The following SASH1 variants were observed in gnomAD, a reference collection of about 807,000 sequenced individuals.
SASH1 encodes the protein SAM and SH3 domain-containing protein 1.
In SASH1, 44 loss-of-function variants were observed where a neutral mutation model predicts 125.2. The observed-to-expected ratio is 0.35, with a 90% CI of 0.28 to 0.45. The LOEUF (loss-of-function observed/expected upper bound fraction) is 0.45, where lower values mean the gene tolerates loss of function less well. SASH1 is among the 20% of genes least tolerant of loss of function. SASH1 has a pLI of 1.00. For synonymous variants in SASH1, 639 were observed against 649.1 expected, an observed-to-expected ratio of 0.98 and a Z score of 0.24; for missense variants, 1,426 against 1,614.5, an observed-to-expected ratio of 0.88 and a Z score of 2.00.
At chr6:148,400,576 C>G (rs868579008) in intron 2 of SASH1, among the ~76,000 whole-genome samples, 4 of 151,950 alleles carry the variant, frequency 2.6e-5, no homozygotes, top group Non-Finnish European at 5.9e-5. Context: ...ATGGCAAAAC[C>G]CTGTCTCTAC....
intron 2 of SASH1, among the ~76,000 whole-genome samples, chr6:148,430,124 A>T (rs1776004733): frequency 6.6e-6 from 1 of 152,182 alleles, no homozygotes; most frequent in Non-Finnish European, 1.5e-5. Context: ...GAGCTAAAGG[A>T]TGAGTAGGAT....
intron 12 of SASH1, among the ~76,000 whole-genome samples, 155 bp from the exon 13 acceptor site, chr6:148,531,371 G>A (rs1181812977): frequency 6.6e-6 from 1 of 152,172 alleles, no homozygotes; most frequent in Non-Finnish European, 1.5e-5. Flanking sequence ...AGTAAGCGAG[G>A]ATGTAAGTTT....
intron 1 of SASH1, among the ~76,000 whole-genome samples, chr6:148,326,384 CTT>C (rs1780826301): frequency 2.2e-5 from 1 of 44,942 alleles, no homozygotes; most frequent in South Asian, 1.1e-3. Context: ...ACATTCTTTT[CTT>C]TTCTTTTCTT....
intron 2 of SASH1, among the ~76,000 whole-genome samples, chr6:148,421,581 G>T (rs1017163990): frequency 1.6e-4 from 25 of 152,232 alleles, no homozygotes; most frequent in Non-Finnish European, 3.2e-4. Flanking sequence ...TGGGATTACA[G>T]GCATGAGCCA....
chr6:148,322,917 T>TCTTTTCTTC lies in SASH1; in HGVS notation n.74+50540_74+50541insCTTTTCTTC, dbSNP rs1452245077. 2.4e-5 allele frequency among the ~76,000 whole-genome samples: 3 copies of TCTTTTCTTC among 126,140 alleles called. No homozygotes were observed. The South Asian group carries it at 7.9e-4, about 33-fold the overall frequency. The allele number at this position is 126,140 out of a possible 152,430, so 82.8% of individuals were successfully genotyped here. ...CTTTCTTTCTCTCTCTTTCTTTCTT[T>TCTTTTCTTC]TTTCTTTCTCTCTTTCTTTTCCTTC... On this transcript the variant is annotated intron_variant and non_coding_transcript_variant, in intron 1 of 3. Coordinates refer to the SASH1 transcript ENST00000367469.
chr6:148,216,568 G>A, the SASH1 span, among the ~76,000 whole-genome samples: 1 of 152,140 alleles, frequency 6.6e-6, no homozygotes, highest in Admixed American at 6.5e-5. Flanking sequence ...TCTCCAGGAA[G>A]ACCGCTGGCA....
intron 1 of SASH1, among the ~76,000 whole-genome samples, chr6:148,314,477 A>G (rs1485902499): frequency 2.0e-5 from 3 of 152,204 alleles, no homozygotes; most frequent in Non-Finnish European, 4.4e-5. Flanking sequence ...AACAATTTAT[A>G]TGGTAATGAG....
intron 1 of SASH1, among the ~76,000 whole-genome samples, chr6:148,330,773 A>G (rs1434306134): frequency 2.0e-5 from 3 of 152,042 alleles, no homozygotes; most frequent in Non-Finnish European, 4.4e-5. Flanking sequence ...TTTAGCAGAG[A>G]TGGGGTTTCG....
intron 1 of SASH1, among the ~76,000 whole-genome samples, 160 bp from the exon 2 acceptor site, chr6:148,389,974 A>T (rs951541763): frequency 2.6e-5 from 4 of 152,128 alleles, no homozygotes; most frequent in Non-Finnish European, 5.9e-5. Context: ...GGCTGTCCTG[A>T]GGGTTAGGAG....
At chr6:148,427,383 A>G (rs1241997628) in intron 2 of SASH1, among the ~76,000 whole-genome samples, 1 of 152,178 alleles carries the variant, frequency 6.6e-6, no homozygotes, top group African/African-American at 2.4e-5. Flanking sequence ...GTCTTCATGG[A>G]CACTGTGTCT....
chr6:148,257,628 CTTTTTT>C, the SASH1 span, among the ~76,000 whole-genome samples: 1 of 127,134 alleles, frequency 7.9e-6, no homozygotes, highest in Non-Finnish European at 1.6e-5. Flanking sequence ...TGTCAGTTTA[CTTTTTT>C]TTTTTTTTTT....
intron 17 of SASH1, among the ~76,000 whole-genome samples, chr6:148,542,611 T>A (rs1367866087): frequency 6.6e-6 from 1 of 152,144 alleles, no homozygotes; most frequent in Non-Finnish European, 1.5e-5. Context: ...ATGGTCTCGA[T>A]CTCCTGACCT....
At chr6:148,294,790 A>C (rs1779719561) in intron 1 of SASH1, among the ~76,000 whole-genome samples, 1 of 152,138 alleles carries the variant, frequency 6.6e-6, no homozygotes, top group Admixed American at 6.5e-5. Flanking sequence ...CTTATATCTT[A>C]TTGGATGGAA....
In SASH1 at chr6:148,533,074, A is replaced by G; in HGVS notation, c.1734+108A>G. On this transcript the variant is annotated intron_variant, in intron 14 of 19. Coordinates refer to ENST00000367467, the MANE Select transcript of SASH1 (RefSeq NM_015278.5). This position sits in a 1 kb window ranked among gnomAD's most constrained non-coding sequence, Gnocchi z 6.2. ...GCTGGGCTACTATGGTACAGACTGG[A>G]CAGTATCTTGGCTACCTCGATCACT... The G allele has an allele frequency of 1.6e-6, 2 of 1,249,442 alleles. No individual in the cohort carries two copies. Among genetic ancestry groups the G allele is most frequent in the Non-Finnish European group, 2.3e-6 (2 of 878,244 alleles). The allele number at this position is 1,249,442 out of a possible 1,614,324, so 77.4% of individuals were successfully genotyped here. A position where few individuals can be genotyped will look rare whatever the true frequency, so the allele number is the denominator to read the frequency against.
At chr6:148,459,185 T>C (rs1369206955) in intron 4 of SASH1, among the ~76,000 whole-genome samples, 1 of 152,162 alleles carries the variant, frequency 6.6e-6, no homozygotes, top group Non-Finnish European at 1.5e-5. Context: ...TCTCAACTTC[T>C]TATGCAGTTC....
chr6:148,207,179 T>A, the SASH1 span, among the ~76,000 whole-genome samples: 1 of 152,178 alleles, frequency 6.6e-6, no homozygotes, highest in Non-Finnish European at 1.5e-5. Flanking sequence ...AGCAGCACTG[T>A]CCCCTGGCCC....
intron 1 of SASH1, among the ~76,000 whole-genome samples, chr6:148,384,065 T>C (rs541898362): frequency 6.6e-6 from 1 of 152,290 alleles, no homozygotes; most frequent in African/African-American, 2.4e-5. Context: ...AAATGGATTG[T>C]CATACATATG....
chr6:148,524,937 T>G, intron 10 of SASH1: 3 of 232,380 alleles, frequency 1.3e-5, no homozygotes, highest in Non-Finnish European at 1.7e-5. Flanking sequence ...ATGTAGCTGA[T>G]GTTAGGGGAA....
intron 5 of SASH1, among the ~76,000 whole-genome samples, chr6:148,470,005 G>A (rs570566171): frequency 5.5e-5 from 8 of 146,002 alleles, no homozygotes; most frequent in South Asian, 2.2e-4. Context: ...CAGCCTGGGC[G>A]ACAGAGCAAG....
Sources: allele counts gnomAD v4.1 joint callset (sites outside exome capture counted in the v4.1 genomes callset), GRCh38; gene constraint gnomAD v4.1.1; non-coding constraint Gnocchi (gnomAD v3.1); transcripts MANE v1.5; gene names NCBI Gene and HGNC (gene_info 2026-07-23, HGNC 2026-07-21).